The following NLRP12 variants were observed in gnomAD, a reference collection of about 807,000 sequenced individuals.
The protein encoded by NLRP12 is NACHT, LRR and PYD domains-containing protein 12.
Under a neutral mutation model 91.2 loss-of-function variants are expected in NLRP12, and 108 were observed. The observed-to-expected ratio is 1.18, with a 90% CI of 1.01 to 1.39. NLRP12 has a LOEUF of 1.39. Ranked by LOEUF, NLRP12 falls within the 40% of genes most tolerant of loss-of-function variation. The pLI, the probability that NLRP12 is intolerant of heterozygous loss-of-function variation, is 0.00. For synonymous variants in NLRP12, 613 were observed against 566.7 expected, an observed-to-expected ratio of 1.08 and a Z score of -1.16; for missense variants, 1,530 against 1,352.7, an observed-to-expected ratio of 1.13 and a Z score of -2.06.
intron 9 of NLRP12, among the ~76,000 whole-genome samples, chr19:53,795,583 C>A (rs1411841459): frequency 2.0e-5 from 3 of 150,536 alleles, no homozygotes; most frequent in Non-Finnish European, 4.4e-5. Flanking sequence ...GCCATTTTAG[C>A]CAGGATGGTC....
At chr19:53,806,163 G>A (rs2091954793) in intron 4 of NLRP12, among the ~76,000 whole-genome samples, 1 of 151,964 alleles carries the variant, frequency 6.6e-6, no homozygotes, top group South Asian at 2.1e-4. Context: ...GAACTCAGGA[G>A]GCGGAGGTTG....
chr19:53,824,222 C>T lies in NLRP12; in HGVS notation c.-48G>A, dbSNP rs2092310074. ...GAGAGGACCTGGAGGCTGAGATGCT[C>T]CTATGCACGGGACACAGGGCGACCC... On this transcript the variant is annotated 5_prime_UTR_variant, in exon 1 of 10. Transcript: ENST00000324134. 5.6e-6 allele frequency: 9 copies of T among 1,596,548 alleles called. No homozygotes were observed. Among genetic ancestry groups the T allele is most frequent in the Non-Finnish European group, 7.7e-6 (9 of 1,169,446 alleles).
chr19:53,811,166 C>T lies in NLRP12; in HGVS notation c.493G>A (p.Glu165Lys), dbSNP rs771730004. The T allele has an allele frequency of 6.2e-7, 1 of 1,614,108 alleles. No homozygotes were observed. The change falls in exon 3 of 10, where the codon GAG becomes AAG. Residue 165 changes from glutamate (E) to lysine (K), a missense_variant. Coordinates refer to ENST00000324134, the MANE Select transcript of NLRP12 (RefSeq NM_144687.4). The part of the protein sequence containing the change: ...HRYTRLLLVK[E>K]HSNPMQVQQQ... ...TGGACCTGCATGGGGTTTGAGTGCT[C>T]CTTCACCAGCAGGAGCCGGGTGTAC...
At chr19:53,815,774 AATTT>A (rs1438014706) in intron 1 of NLRP12, among the ~76,000 whole-genome samples, 55 of 148,188 alleles carry the variant, frequency 3.7e-4, no homozygotes, top group African/African-American at 1.3e-3. Context: ...ACGCCCGGAT[AATTT>A]ATTTTGTATT....
intron 5 of NLRP12, among the ~76,000 whole-genome samples, chr19:53,804,738 T>A (rs34894554): frequency 0.62 from 91,940 of 149,058 alleles, 30,274 homozygotes; most frequent in Non-Finnish European, 0.73. Flanking sequence ...AAAAAAAAAA[T>A]TTTTGTAGGT....
chr19:53,805,519 T>TG, intron 4 of NLRP12, 69 bp from the exon 5 acceptor site: 1 of 1,363,012 alleles, frequency 7.3e-7, no homozygotes, highest in Non-Finnish European at 9.8e-7. Context: ...TATTTTCTTT[T>TG]GCTTTTTTTT....
chr19:53,809,636 C>T lies in NLRP12; in HGVS notation c.2023G>A (p.Glu675Lys), dbSNP rs776896457. ...LYGATYSADG[E>K]DRARCSAGAH... ...CCTGCGGAGCACCTCGCGCGGTCTT[C>T]CCCGTCCGCGCTGTAGGTGGCGCCA... The change falls in exon 3 of 10, where the codon GAA becomes AAA. Residue 675 changes from glutamate to lysine, a missense_variant. Glu to Lys is a moderately conservative substitution (Grantham distance 56, BLOSUM62 1). Coordinates refer to ENST00000324134, the MANE Select transcript of NLRP12 (RefSeq NM_144687.4). 1.2e-6 allele frequency: 2 copies of T among 1,613,736 alleles called. No individual in the cohort carries two copies. Among genetic ancestry groups the T allele is most frequent in the East Asian group, 2.2e-5 (1 of 44,882 alleles).
In NLRP12 at chr19:53,811,339, T is replaced by C. The variant is rs375649361; in HGVS notation, c.371-51A>G. ...TGGAAGACTCATCAGCAGCCTCTAA[T>C]GAGTTCACGAGGTAAAGCGCTCCTC... is the stretch of plus-strand genomic sequence containing the variant. On this transcript the variant is annotated intron_variant, in intron 2 of 9. Coordinates refer to ENST00000324134, the MANE Select transcript of NLRP12 (RefSeq NM_144687.4). The C allele has an allele frequency of 1.6e-5, 26 of 1,605,524 alleles. No individual in the cohort carries two copies. The African/African-American group carries it at 3.1e-4, about 19-fold the overall frequency.
chr19:53,819,525 A>G lies in NLRP12; in HGVS notation c.289+4361T>C, dbSNP rs1199992168. On this transcript the variant is annotated intron_variant, in intron 1 of 9. Coordinates refer to ENST00000324134, the MANE Select transcript of NLRP12 (RefSeq NM_144687.4). ...TATATATGTATACATATGTGTATAT[A>G]TGTGTGTATGTATACGTATATATAT... Among the ~76,000 whole-genome samples the G allele has an allele frequency of 1.4e-4, 8 of 59,240 alleles. 2 individuals carry two copies. Among genetic ancestry groups the G allele is most frequent in the Non-Finnish European group, 2.3e-4 (7 of 30,024 alleles). 38.9% of individuals were successfully genotyped at this position (59,240 alleles called of 152,430 possible). A position where few individuals can be genotyped will look rare whatever the true frequency, so the allele number is the denominator to read the frequency against.
chr19:53,800,570 C>T (rs183068861), intron 7 of NLRP12, among the ~76,000 whole-genome samples: 3 of 139,250 alleles, frequency 2.2e-5, no homozygotes, highest in South Asian at 2.4e-4. Context: ...AAGGGCCGTG[C>T]GTCAGAAAAC....
intron 3 of NLRP12, chr19:53,808,606 G>A (rs966284334): frequency 2.6e-5 from 4 of 152,240 alleles, no homozygotes; most frequent in African/African-American, 9.7e-5. Flanking sequence ...AGCTGCTCAG[G>A]AGGCTGAGAC....
At chr19:53,821,408 C>T (rs919173236) in intron 1 of NLRP12, among the ~76,000 whole-genome samples, 29 of 151,992 alleles carry the variant, frequency 1.9e-4, no homozygotes, top group African/African-American at 7.0e-4. Flanking sequence ...GTGGCTCACA[C>T]CTGTAATCAC....
At position 53,809,917 on chromosome 19, in the gene NLRP12, C is replaced by T. The variant is rs569593868; in HGVS notation, c.1742G>A (p.Trp581Ter). 6 of 1,614,070 alleles carry T rather than the reference C, an allele frequency of 3.7e-6. No individual in the cohort carries two copies. The East Asian group carries it at 1.1e-4, about 30-fold the overall frequency. The part of the protein sequence containing the change: ...TRSHLEKSLC[W>*]KVSPHIKMDL... ...CATCTTGATGTGCGGCGAGACCTTC[C>T]AGCAGAGACTCTTCTCCAGGTGGCT... is the stretch of plus-strand genomic sequence containing the variant. The change falls in exon 3 of 10, where the codon TGG (tryptophan) becomes TAG (stop). Residue 581 changes from tryptophan to a stop codon, truncating the protein, a stop_gained. Coordinates refer to ENST00000324134, the MANE Select transcript of NLRP12 (RefSeq NM_144687.4). LOFTEE classifies it high-confidence loss of function.
chr19:53,817,245 C>T (rs555924836), intron 1 of NLRP12, among the ~76,000 whole-genome samples: 1 of 152,016 alleles, frequency 6.6e-6, no homozygotes, highest in South Asian at 2.1e-4. Flanking sequence ...GCCTTACCAA[C>T]GTGGTGAAAC....
intron 4 of NLRP12, 44 bp from the exon 5 acceptor site, chr19:53,805,494 T>G: frequency 6.3e-7 from 1 of 1,582,622 alleles, no homozygotes; most frequent in Non-Finnish European, 8.6e-7. Flanking sequence ...TTTCTTTTGC[T>G]CCAGTTTTGT....
rs556001110 is a variant in NLRP12, at chr19:53,795,954, G to C, written c.3003C>G (p.Thr1001=). 1.9e-6 allele frequency: 3 copies of C among 1,614,122 alleles called. No homozygotes were observed. The highest frequency in any genetic ancestry group is 1.7e-5 in the Admixed American group (1 of 59,994). Residue 1001 remains threonine, a synonymous_variant, in exon 9 of 10, where the codon ACC becomes ACG. Coordinates refer to ENST00000324134, the MANE Select transcript of NLRP12 (RefSeq NM_144687.4). ...GGGCGTTGTTGGTCAGGTAAAGGTC[G>C]GTCAAGGTCTGGTTGATCCCCAGGG... ...YFTLGINQTL[T]DLYLTNNALG...
At chr19:53,802,001 G>T (rs1402666392) in intron 6 of NLRP12, among the ~76,000 whole-genome samples, 1 of 152,052 alleles carries the variant, frequency 6.6e-6, no homozygotes, top group Non-Finnish European at 1.5e-5. Context: ...GCTGAGATGG[G>T]TGGATCACCT....
intron 4 of NLRP12, among the ~76,000 whole-genome samples, chr19:53,806,056 A>G (rs1270528298): frequency 6.7e-6 from 1 of 150,184 alleles, no homozygotes; most frequent in African/African-American, 2.4e-5. Context: ...CAACACAGTG[A>G]AACCCCATTT....
In NLRP12 at chr19:53,810,567, G is replaced by C. The variant is rs757329096; in HGVS notation, c.1092C>G (p.Gly364=). 2 of 1,613,988 alleles carry C rather than the reference G, an allele frequency of 1.2e-6. No individual in the cohort carries two copies. Among genetic ancestry groups the C allele is most frequent in the South Asian group, 2.2e-5 (2 of 91,076 alleles). ...LEHPRHVEIL[G]FSEAERKEYF... ...ATTCCTTCCTTTCTGCCTCAGAGAAGCCCAGGATCTCCACATGCCTGGGGT... is the reference window on the plus strand; with the variant it reads ...ATTCCTTCCTTTCTGCCTCAGAGAACCCCAGGATCTCCACATGCCTGGGGT... The change falls in exon 3 of 10, where the codon GGC becomes GGG. Residue 364 remains glycine, a synonymous_variant. Coordinates refer to ENST00000324134, the MANE Select transcript of NLRP12 (RefSeq NM_144687.4).
Sources: allele counts gnomAD v4.1 joint callset (sites outside exome capture counted in the v4.1 genomes callset), GRCh38; gene constraint gnomAD v4.1.1; transcripts MANE v1.5; gene names NCBI Gene and HGNC (gene_info 2026-07-23, HGNC 2026-07-21).